The following ERICH2 variants were observed in gnomAD, a reference collection of about 807,000 sequenced individuals.
The protein encoded by ERICH2 is glutamate-rich protein 2.
ERICH2 carries 17 observed loss-of-function variants against 17.4 expected under a neutral mutation model. The observed-to-expected ratio is 0.98, with a 90% CI of 0.67 to 1.47. ERICH2 has a LOEUF of 1.47. ERICH2 is among the 40% of genes most tolerant of loss of function. The probability of loss-of-function intolerance (pLI) is 0.00; values close to 1 mark genes in which losing one functional copy is unlikely to be tolerated. For missense variants in ERICH2, 186 were observed against 183.2 expected (o/e 1.01, Z -0.09); for synonymous variants, 51 against 61.1 (o/e 0.83, Z 0.77).
At chr2:170,781,188 T>C (rs529521721), upstream of ERICH2, among the ~76,000 whole-genome samples, 13 of 152,326 alleles carry the variant, frequency 8.5e-5, no homozygotes, top group African/African-American at 2.9e-4. Flanking sequence ...TGTTCTGGAT[T>C]CACATTTCCA....
At chr2:170,794,854 C>T (rs1701378552) in intron 3 of ERICH2, among the ~76,000 whole-genome samples, 1 of 152,234 alleles carries the variant, frequency 6.6e-6, no homozygotes, top group South Asian at 2.1e-4. Context: ...GCTCATTTTA[C>T]AAATTGGTTT....
the ERICH2 span, among the ~76,000 whole-genome samples, chr2:170,770,441 G>A: frequency 6.6e-6 from 1 of 152,132 alleles, no homozygotes. Context: ...GGAGAGCCGG[G>A]TCTCTGGTTC....
intron 2 of ERICH2, among the ~76,000 whole-genome samples, chr2:170,792,557 A>T: frequency 6.6e-6 from 1 of 152,240 alleles, no homozygotes. Flanking sequence ...TATTAAAATA[A>T]AGTGATTAAT....
At chr2:170,776,440 C>T in the ERICH2 span, among the ~76,000 whole-genome samples, 68 of 152,252 alleles carry the variant, frequency 4.5e-4, no homozygotes, top group South Asian at 0.011. Flanking sequence ...TGCAGTGGTG[C>T]GATCTCGGCT....
In ERICH2 at chr2:170,798,243, A is replaced by C. The variant is rs1039705442; in HGVS notation, c.346+131A>C. 1.0e-5 allele frequency: 7 copies of C among 678,240 alleles called. No homozygotes were observed. In the African/African-American group the frequency reaches 1.3e-4, roughly 12 times the overall value. 42.0% of individuals were successfully genotyped at this position (678,240 alleles called of 1,614,324 possible). A position where few individuals can be genotyped will look rare whatever the true frequency, so the allele number is the denominator to read the frequency against. ...AGAAAAGGCTAAATGGCTGTCTTAA[A>C]TGGTTTAGTGAAACAGCTTGTCCTC... On this transcript the variant is annotated intron_variant, in intron 4 of 4. Coordinates refer to ENST00000409885, the Ensembl canonical transcript of ERICH2.
At chr2:170,777,659 A>G in the ERICH2 span, 1 of 1,234,106 alleles carries the variant, frequency 8.1e-7, no homozygotes, top group Non-Finnish European at 1.0e-6. Context: ...GTGATGATTG[A>G]ATCAAACGAA....
At chr2:170,782,306 C>T, upstream of ERICH2, 3 of 955,164 alleles carry the variant, frequency 3.1e-6, no homozygotes, top group Non-Finnish European at 3.7e-6. Context: ...AATAGAGTAT[C>T]TTCAAGGAGT....
chr2:170,783,981 T>A, intron 1 of ERICH2: 1 of 1,417,976 alleles, frequency 7.1e-7, no homozygotes, highest in East Asian at 2.5e-5. Flanking sequence ...TCATTAGTTT[T>A]ACCTTTTTTT....
intron 1 of ERICH2, 123 bp from the exon 7 acceptor site, chr2:170,784,519 AGTTT>A (rs911428226): frequency 2.0e-6 from 1 of 510,424 alleles, no homozygotes; most frequent in African/African-American, 2.0e-5. Context: ...TTTGAATATA[AGTTT>A]GTTATGATAA....
chr2:170,784,966 C>A, intron 2 of ERICH2, 133 bp downstream of exon 7: 1 of 702,894 alleles, frequency 1.4e-6, no homozygotes, highest in Non-Finnish European at 2.1e-6. Flanking sequence ...ATGGTGGTTA[C>A]CAGAAGCTGG....
At position 170,784,571 on chromosome 2, in the gene ERICH2, G is replaced by T. The variant is rs1387206340; in HGVS notation, c.29-75G>T. ...TATTAATATATCAGTTTAATGAATAGTAATAGGATCTGGCAAAATTTAATT... is the reference window on the plus strand; with the variant it reads ...TATTAATATATCAGTTTAATGAATATTAATAGGATCTGGCAAAATTTAATT... On this transcript the variant is annotated intron_variant, in intron 1 of 4. Transcript: ENST00000409885. The T allele has an allele frequency of 5.1e-6, 4 of 788,914 alleles. No individual in the cohort carries two copies. The African/African-American group carries it at 7.0e-5, about 14-fold the overall frequency. 48.9% of individuals were successfully genotyped at this position (788,914 alleles called of 1,614,324 possible).
At chr2:170,792,126 C>T (rs774029949) in intron 2 of ERICH2, among the ~76,000 whole-genome samples, 6 of 151,798 alleles carry the variant, frequency 4.0e-5, no homozygotes, top group Non-Finnish European at 7.4e-5. Flanking sequence ...GTAAAAAATA[C>T]GTAAGAATAT....
chr2:170,774,998 C>A, the ERICH2 span, among the ~76,000 whole-genome samples: 1 of 152,152 alleles, frequency 6.6e-6, no homozygotes, highest in Non-Finnish European at 1.5e-5. Context: ...GGGTCTCCAT[C>A]AAGGGCTGGG....
the ERICH2 span, among the ~76,000 whole-genome samples, chr2:170,776,666 C>T: frequency 6.6e-6 from 1 of 152,178 alleles, no homozygotes; most frequent in African/African-American, 2.4e-5. Context: ...GCTTGAGCCA[C>T]CGCGCCCGGC....
the ERICH2 span, among the ~76,000 whole-genome samples, chr2:170,775,164 C>T: frequency 3.3e-5 from 5 of 151,642 alleles, no homozygotes; most frequent in East Asian, 2.0e-4. Context: ...AGGTGGCTCA[C>T]GCCTGCAATC....
chr2:170,798,679 A>G lies in ERICH2; in HGVS notation c.347-91A>G, dbSNP rs1701489115. 2.1e-6 allele frequency: 3 copies of G among 1,459,228 alleles called. No individual in the cohort carries two copies. In the South Asian group the frequency reaches 3.9e-5, roughly 19 times the overall value. The allele number at this position is 1,459,228 out of a possible 1,614,324, so 90.4% of individuals were successfully genotyped here. On this transcript the variant is annotated intron_variant, in intron 4 of 4. Coordinates refer to ENST00000409885, the Ensembl canonical transcript of ERICH2. ...CAGTTCTTATGTTACAAATATATGTATTTCTTGGTAGAGGGAGGGGCAAGG... is the reference window on the plus strand; with the variant it reads ...CAGTTCTTATGTTACAAATATATGTGTTTCTTGGTAGAGGGAGGGGCAAGG...
At chr2:170,783,553 AAAAT>A (rs1425547918), upstream of ERICH2, among the ~76,000 whole-genome samples, 1 of 152,180 alleles carries the variant, frequency 6.6e-6, no homozygotes, top group Non-Finnish European at 1.5e-5. Flanking sequence ...TGTCTCCAAA[AAAAT>A]AAATAAATAA....
intron 2 of ERICH2, among the ~76,000 whole-genome samples, chr2:170,785,131 T>C (rs1701127337): frequency 6.6e-6 from 1 of 152,042 alleles, no homozygotes; most frequent in Non-Finnish European, 1.5e-5. Context: ...ATTGTAATAT[T>C]CCCAGCACAA....
chr2:170,792,577 A>C (rs1360360163), intron 2 of ERICH2, among the ~76,000 whole-genome samples: 2 of 152,356 alleles, frequency 1.3e-5, no homozygotes, highest in East Asian at 1.9e-4. Flanking sequence ...TGTCTTCACT[A>C]TCTGTGCCAG....
Sources: allele counts gnomAD v4.1 joint callset (sites outside exome capture counted in the v4.1 genomes callset), GRCh38; gene constraint gnomAD v4.1.1; transcripts MANE v1.5; gene names NCBI Gene and HGNC (gene_info 2026-07-23, HGNC 2026-07-21).